Variants in MAGI1 observed in about 807,000 individuals in gnomAD.
MAGI1 encodes the protein membrane-associated guanylate kinase, WW and PDZ domain-containing protein 1.
A neutral mutation model predicts 139.9 loss-of-function variants in MAGI1; 58 were observed. That is an observed-to-expected ratio of 0.41 (90% CI 0.34 to 0.52). The LOEUF (loss-of-function observed/expected upper bound fraction) is 0.52, where lower values mean the gene tolerates loss of function less well. MAGI1 is among the 20% of genes least tolerant of loss of function. MAGI1 has a pLI of 0.12. For synonymous variants in MAGI1, 812 were observed against 737.9 expected, an observed-to-expected ratio of 1.10 and a Z score of -1.63; for missense variants, 1,874 against 1,901.6, an observed-to-expected ratio of 0.99 and a Z score of 0.27.
chr3:65,357,522 C>A (rs1940298906), intron 22 of MAGI1, among the ~76,000 whole-genome samples: 1 of 151,458 alleles, frequency 6.6e-6, no homozygotes, highest in African/African-American at 2.4e-5. Flanking sequence ...CTGTGCCCAC[C>A]CGTCTCCCAC....
chr3:65,608,564 C>A (rs546850648), intron 2 of MAGI1, among the ~76,000 whole-genome samples: 5 of 152,034 alleles, frequency 3.3e-5, no homozygotes, highest in African/African-American at 1.2e-4. Flanking sequence ...CAGAAAAATG[C>A]AAATTAAGAT....
chr3:66,032,677 G>A lies in MAGI1; in HGVS notation c.313+5319C>T, dbSNP rs530572615. ...CTCACGCCTACAATCCTAGCACTTC[G>A]GGAGGCCAAGGCGGCAGGCAGATTG... On this transcript the variant is annotated intron_variant, in intron 1 of 22. Transcript: ENST00000402939. Among the ~76,000 whole-genome samples, 16 of 151,746 alleles carry A rather than the reference G, an allele frequency of 1.1e-4. No homozygotes were observed. The South Asian group carries it at 2.9e-3, about 28-fold the overall frequency.
At chr3:65,947,172 G>A (rs1275619789) in intron 1 of MAGI1, among the ~76,000 whole-genome samples, 1 of 152,128 alleles carries the variant, frequency 6.6e-6, no homozygotes, top group African/African-American at 2.4e-5. Flanking sequence ...GTTCTTCAAG[G>A]AAAGAGGATC....
intron 1 of MAGI1, among the ~76,000 whole-genome samples, chr3:65,994,679 C>A (rs2066349480): frequency 2.6e-5 from 4 of 152,152 alleles, no homozygotes; most frequent in African/African-American, 7.2e-5. Context: ...CATCTGGGGT[C>A]CCAGCTAGAA....
chr3:65,532,736 G>A (rs994998047), intron 2 of MAGI1: 4 of 152,194 alleles, frequency 2.6e-5, no homozygotes, highest in African/African-American at 9.7e-5. Context: ...TGCATCATCA[G>A]CTCTAGGTTA....
Position 65,846,915 on chromosome 3 carries a change from C to T in MAGI1, c.313+191081G>A, listed in dbSNP as rs2059017153. On this transcript the variant is annotated intron_variant, in intron 1 of 22. Transcript: ENST00000402939. Reference sequence around the variant, plus strand: ...TTTCATCCTCTGGGGTCCTACTCCCCCAAACAAAGGAAAGAAACATTGACT... The same window carrying T: ...TTTCATCCTCTGGGGTCCTACTCCCTCAAACAAAGGAAAGAAACATTGACT... 4.9e-5 allele frequency among the ~76,000 whole-genome samples: 6 copies of T among 123,640 alleles called. No individual in the cohort carries two copies. The South Asian group carries it at 1.3e-3, about 27-fold the overall frequency. 81.1% of individuals were successfully genotyped at this position (123,640 alleles called of 152,430 possible).
At chr3:65,727,315 T>G (rs999058334) in intron 1 of MAGI1, among the ~76,000 whole-genome samples, 3 of 152,234 alleles carry the variant, frequency 2.0e-5, no homozygotes, top group Admixed American at 2.0e-4. Context: ...TACACATTTG[T>G]GTTACCTGAT....
chr3:65,741,241 C>A (rs1347358433), intron 1 of MAGI1, among the ~76,000 whole-genome samples: 1 of 151,594 alleles, frequency 6.6e-6, no homozygotes, highest in East Asian at 1.9e-4. Context: ...GTGGCGCGAT[C>A]TCGGCTCACT....
At chr3:65,709,871 C>A (rs564789060) in intron 1 of MAGI1, among the ~76,000 whole-genome samples, 3 of 152,322 alleles carry the variant, frequency 2.0e-5, no homozygotes, top group African/African-American at 4.8e-5. Context: ...TAAACCATAA[C>A]TGGTGTAAAT....
intron 18 of MAGI1, among the ~76,000 whole-genome samples, chr3:65,369,974 G>C (rs944156520): frequency 6.6e-6 from 1 of 152,164 alleles, no homozygotes; most frequent in Admixed American, 6.5e-5. Context: ...ATTTTACCTT[G>C]GAATCAACTA....
intron 2 of MAGI1, among the ~76,000 whole-genome samples, chr3:65,584,339 A>G (rs889849550): frequency 1.3e-4 from 20 of 152,168 alleles, no homozygotes; most frequent in African/African-American, 3.9e-4. Context: ...CCCAGATGCT[A>G]TATCTATTGG....
intron 1 of MAGI1, among the ~76,000 whole-genome samples, chr3:65,967,632 C>T (rs528815973): frequency 4.6e-5 from 7 of 152,176 alleles, no homozygotes; most frequent in Non-Finnish European, 7.3e-5. Context: ...AATGGAAATG[C>T]CAGGCCAAAG....
At chr3:65,442,659 T>C (rs1277278638) in intron 8 of MAGI1, 133 bp downstream of exon 8, 5 of 598,274 alleles carry the variant, frequency 8.4e-6, no homozygotes, top group Non-Finnish European at 1.5e-5. Context: ...AATATATGCA[T>C]ACATATTTTC....
chr3:65,586,339 G>C (rs569945727), intron 2 of MAGI1, among the ~76,000 whole-genome samples: 1 of 152,236 alleles, frequency 6.6e-6, no homozygotes, highest in South Asian at 2.1e-4. Context: ...AAATTATTAG[G>C]AATAGAAAAT....
In MAGI1 at chr3:65,959,856, A is replaced by C. The variant is rs1397291442; in HGVS notation, c.313+78140T>G. Among the ~76,000 whole-genome samples the C allele has an allele frequency of 1.1e-4, 13 of 113,610 alleles. No homozygotes were observed. The Admixed American group carries it at 1.8e-3, about 16-fold the overall frequency. The allele number at this position is 113,610 out of a possible 152,430, so 74.5% of individuals were successfully genotyped here. A position where few individuals can be genotyped will look rare whatever the true frequency, so the allele number is the denominator to read the frequency against. ...AGTCTCACTCTGTCGCCCAGGCTGG[A>C]GTGCAGTGGCGCAAACTCGGCTCAC... is the stretch of plus-strand genomic sequence containing the variant. On this transcript the variant is annotated intron_variant, in intron 1 of 22. Transcript: ENST00000402939.
chr3:65,605,138 G>T (rs578097332), intron 2 of MAGI1, among the ~76,000 whole-genome samples: 3 of 152,262 alleles, frequency 2.0e-5, no homozygotes, highest in Admixed American at 1.3e-4. Flanking sequence ...ATGTCATAAC[G>T]ACCCTTTCAA....
At chr3:65,818,224 C>T (rs1300116807) in intron 1 of MAGI1, among the ~76,000 whole-genome samples, 1 of 152,188 alleles carries the variant, frequency 6.6e-6, no homozygotes, top group Non-Finnish European at 1.5e-5. Flanking sequence ...ATACATTTTT[C>T]TACCAAGCAT....
intron 1 of MAGI1, among the ~76,000 whole-genome samples, chr3:65,727,281 AAC>A (rs1281302759): frequency 1.3e-5 from 2 of 152,248 alleles, no homozygotes; most frequent in Admixed American, 1.3e-4. Flanking sequence ...GAATTCACAG[AAC>A]ACAGTTTGAA....
At chr3:65,878,092 C>T (rs1013698952) in intron 1 of MAGI1, among the ~76,000 whole-genome samples, 2 of 151,618 alleles carry the variant, frequency 1.3e-5, no homozygotes, top group Non-Finnish European at 2.9e-5. Flanking sequence ...GCCTACGTGA[C>T]AGAGTGAGGT....
Sources: gnomAD v4.1 joint callset for allele counts (sites outside exome capture counted in the v4.1 genomes callset) on GRCh38, gnomAD v4.1.1 for gene constraint, MANE v1.5 for transcripts, NCBI Gene and HGNC (gene_info 2026-07-23, HGNC 2026-07-21) for gene names.